Variants in WWOX observed in about 807,000 individuals in gnomAD.
WWOX encodes WW domain containing oxidoreductase.
WWOX carries 69 observed loss-of-function variants against 46.2 expected under a neutral mutation model. That is an observed-to-expected ratio of 1.49 (90% CI 1.23 to 1.82). The LOEUF is 1.82. WWOX is among the 40% of genes most tolerant of loss of function. WWOX has a pLI of 0.00. For synonymous variants in WWOX, 359 were observed against 202.6 expected (o/e 1.77, Z -6.56); for missense variants, 919 against 542.6 (o/e 1.69, Z -6.89).
intron 8 of WWOX, among the ~76,000 whole-genome samples, chr16:79,194,522 A>T (rs74038816): frequency 0.017 from 2,568 of 152,228 alleles, 57 homozygotes; most frequent in African/African-American, 0.059. Flanking sequence ...TGGTTTAACA[A>T]GTTTCCTGGC....
At chr16:78,378,636 G>A (rs979813548) in intron 5 of WWOX, among the ~76,000 whole-genome samples, 1 of 152,184 alleles carries the variant, frequency 6.6e-6, no homozygotes, top group Admixed American at 6.5e-5. Flanking sequence ...TCTTGCTGTT[G>A]TAAATGTGAC....
At chr16:78,353,684 A>G (rs1171846006) in intron 5 of WWOX, among the ~76,000 whole-genome samples, 2 of 152,232 alleles carry the variant, frequency 1.3e-5, no homozygotes, top group Non-Finnish European at 2.9e-5. Flanking sequence ...CTCTGTCCTG[A>G]AGAACTGCAG....
At chr16:79,208,938 C>T (rs188171474) in intron 8 of WWOX, among the ~76,000 whole-genome samples, 1 of 152,148 alleles carries the variant, frequency 6.6e-6, no homozygotes, top group Non-Finnish European at 1.5e-5. Context: ...AGTGAGTACC[C>T]ATGAGCACCA....
At chr16:78,501,419 C>G (rs960181283) in intron 8 of WWOX, among the ~76,000 whole-genome samples, 2 of 152,038 alleles carry the variant, frequency 1.3e-5, no homozygotes, top group African/African-American at 4.8e-5. Context: ...GAAATTGAGA[C>G]AGCCTGCAAA....
chr16:79,168,213 G>T (rs1303735623), intron 8 of WWOX, among the ~76,000 whole-genome samples: 1 of 152,088 alleles, frequency 6.6e-6, no homozygotes, highest in African/African-American at 2.4e-5. Context: ...TTTCTGTGTG[G>T]ACATGTTCTC....
intron 8 of WWOX, among the ~76,000 whole-genome samples, chr16:78,672,921 T>C (rs2047501878): frequency 6.6e-6 from 1 of 152,194 alleles, no homozygotes; most frequent in Non-Finnish European, 1.5e-5. Context: ...CCTTCCTCCT[T>C]CGTCTCTCTG....
At chr16:78,476,849 T>G (rs988156448) in intron 8 of WWOX, among the ~76,000 whole-genome samples, 4 of 152,122 alleles carry the variant, frequency 2.6e-5, no homozygotes, top group Non-Finnish European at 4.4e-5. Flanking sequence ...TTGTTCGTTT[T>G]TCTTTTTCCT....
intron 6 of WWOX, among the ~76,000 whole-genome samples, chr16:78,411,701 A>T (rs559313426): frequency 2.6e-5 from 4 of 152,220 alleles, no homozygotes; most frequent in African/African-American, 2.4e-5. Flanking sequence ...GTATTCATAA[A>T]AAGTCAAGTG....
chr16:78,108,495 T>C lies in WWOX; in HGVS notation c.172+8T>C, dbSNP rs763825800. 2 of 1,613,476 alleles carry C rather than the reference T, an allele frequency of 1.2e-6. No individual in the cohort carries two copies. Among genetic ancestry groups the C allele is most frequent in the South Asian group, 2.2e-5 (2 of 91,068 alleles). On this transcript the variant is annotated splice_region_variant and intron_variant, in intron 2 of 8. Coordinates refer to ENST00000566780, the MANE Select transcript of WWOX (RefSeq NM_016373.4). ...GAAAACGAGTGGCAGGAGGTTTGTATGTTGTTGTCTAAGGATCTTGGATGG... is the reference window on the plus strand; with the variant it reads ...GAAAACGAGTGGCAGGAGGTTTGTACGTTGTTGTCTAAGGATCTTGGATGG...
At chr16:78,967,055 G>T (rs1179677669) in intron 8 of WWOX, among the ~76,000 whole-genome samples, 2 of 152,078 alleles carry the variant, frequency 1.3e-5, no homozygotes, top group African/African-American at 4.8e-5. Flanking sequence ...TTGGTCCATT[G>T]TTGTCCTTTC....
intron 6 of WWOX, among the ~76,000 whole-genome samples, chr16:78,418,150 G>C (rs190631631): frequency 1.3e-5 from 2 of 151,800 alleles, no homozygotes; most frequent in Non-Finnish European, 2.9e-5. Context: ...CACGAGGTCA[G>C]GAGGTCAAGA....
At chr16:79,169,484 T>G (rs745878866) in intron 8 of WWOX, among the ~76,000 whole-genome samples, 4 of 152,204 alleles carry the variant, frequency 2.6e-5, no homozygotes, top group Admixed American at 6.5e-5. Context: ...AAGCTGGGCC[T>G]GTAAGCCTTT....
chr16:78,762,247 C>T (rs780877283), intron 8 of WWOX, among the ~76,000 whole-genome samples: 1 of 152,176 alleles, frequency 6.6e-6, no homozygotes, highest in African/African-American at 2.4e-5. Context: ...TAAGACTGTG[C>T]CCTTTCATCC....
chr16:78,532,659 C>A (rs2043650408), intron 8 of WWOX, among the ~76,000 whole-genome samples: 1 of 152,120 alleles, frequency 6.6e-6, no homozygotes, highest in South Asian at 2.1e-4. Context: ...GGGGAGGCGA[C>A]ACAGTGATGG....
chr16:78,561,911 C>G lies in WWOX; in HGVS notation c.1056+129159C>G, dbSNP rs112565470. On this transcript the variant is annotated intron_variant, in intron 8 of 8. Transcript: ENST00000566780. Reference sequence around the variant, plus strand: ...ATGCAACTCATTATCTTCTCTGTGCCTTAACGTCTCTATCTAATTTCCCAT... The same window carrying G: ...ATGCAACTCATTATCTTCTCTGTGCGTTAACGTCTCTATCTAATTTCCCAT... Among the ~76,000 whole-genome samples the G allele has an allele frequency of 2.1e-3, 315 of 152,282 alleles. 2 individuals carry two copies. The highest frequency in any genetic ancestry group is 7.3e-3 in the African/African-American group (304 of 41,562).
At chr16:78,676,876 G>A (rs1267917536) in intron 8 of WWOX, among the ~76,000 whole-genome samples, 1 of 152,026 alleles carries the variant, frequency 6.6e-6, no homozygotes, top group Non-Finnish European at 1.5e-5. Flanking sequence ...CCATTTTTGA[G>A]TATTACTTTA....
At chr16:79,034,203 T>C (rs1156614994) in intron 8 of WWOX, among the ~76,000 whole-genome samples, 3 of 152,230 alleles carry the variant, frequency 2.0e-5, no homozygotes, top group African/African-American at 7.2e-5. Context: ...AGGGATATTT[T>C]AAGCATTAAT....
At chr16:78,599,767 G>T (rs1046329899) in intron 8 of WWOX, among the ~76,000 whole-genome samples, 2 of 152,110 alleles carry the variant, frequency 1.3e-5, no homozygotes, top group East Asian at 1.9e-4. Flanking sequence ...GAGACTGGGG[G>T]TGCTGAAGAA....
intron 8 of WWOX, among the ~76,000 whole-genome samples, chr16:78,594,415 A>T (rs9888738): frequency 0.12 from 14,543 of 122,668 alleles, 1,997 homozygotes; most frequent in African/African-American, 0.32. Context: ...CTTGACGAAG[A>T]AGACTGAGGA....
Sources: allele counts gnomAD v4.1 joint callset (sites outside exome capture counted in the v4.1 genomes callset), GRCh38; gene constraint gnomAD v4.1.1; transcripts MANE v1.5; gene names NCBI Gene and HGNC (gene_info 2026-07-23, HGNC 2026-07-21).